Variants in PRPH2 observed in about 807,000 individuals in gnomAD.
The protein encoded by PRPH2 is peripherin-2.
In PRPH2, 17 loss-of-function variants were observed where a neutral mutation model predicts 31.3. The ratio of observed to expected loss-of-function variants is 0.54; its 90% CI spans 0.37 to 0.81. The LOEUF (loss-of-function observed/expected upper bound fraction) is 0.81. Among genes scored for constraint, PRPH2 ranks in the 40% least tolerant of loss-of-function variants. The pLI is 0.00. For synonymous variants in PRPH2, 165 were observed against 184.4 expected (o/e 0.89, Z 0.85); for missense variants, 430 against 439.7 (o/e 0.98, Z 0.20).
chr6:42,715,004 G>A (rs898870198), intron 1 of PRPH2, among the ~76,000 whole-genome samples: 1 of 152,050 alleles, frequency 6.6e-6, no homozygotes, highest in African/African-American at 2.4e-5. Flanking sequence ...GAGGTCAGGA[G>A]TTCGAGAGCA....
At chr6:42,720,867 A>G (rs892148474) in intron 1 of PRPH2, among the ~76,000 whole-genome samples, 1 of 152,228 alleles carries the variant, frequency 6.6e-6, no homozygotes. Context: ...TGTTGGGAAG[A>G]GCAGCCCGCT....
intron 1 of PRPH2, among the ~76,000 whole-genome samples, 159 bp from the exon 2 acceptor site, chr6:42,704,770 C>T (rs1190940241): frequency 5.9e-5 from 9 of 152,202 alleles, no homozygotes; most frequent in East Asian, 1.9e-4. Context: ...CTGTTCTAGG[C>T]GCTGAAGACA....
intron 1 of PRPH2, among the ~76,000 whole-genome samples, chr6:42,709,007 A>G (rs965484147): frequency 6.6e-6 from 1 of 152,098 alleles, no homozygotes; most frequent in African/African-American, 2.4e-5. Flanking sequence ...GGCCCAGAGG[A>G]GGGCAAGGCC....
intron 1 of PRPH2, among the ~76,000 whole-genome samples, chr6:42,708,027 G>C (rs1225275772): frequency 6.6e-6 from 1 of 152,200 alleles, no homozygotes; most frequent in African/African-American, 2.4e-5. Flanking sequence ...CTTGAAGAGT[G>C]CTGGTATTAA....
intron 2 of PRPH2, among the ~76,000 whole-genome samples, chr6:42,699,170 A>G (rs1376349665): frequency 1.3e-5 from 2 of 151,558 alleles, no homozygotes; most frequent in East Asian, 3.9e-4. Context: ...CTCATGCATC[A>G]GCCTCTTGAA....
At chr6:42,699,286 A>C (rs1377829498) in intron 2 of PRPH2, among the ~76,000 whole-genome samples, 3 of 151,156 alleles carry the variant, frequency 2.0e-5, no homozygotes, top group African/African-American at 7.3e-5. Context: ...CTGGCCTCGA[A>C]CTCCTGGCCT....
chr6:42,719,509 A>G (rs1582778488), intron 1 of PRPH2, among the ~76,000 whole-genome samples: 1 of 149,324 alleles, frequency 6.7e-6, no homozygotes, highest in East Asian at 2.0e-4. Context: ...AAACATGATC[A>G]TTGTGGATAT....
rs116375950 is a variant in PRPH2 at position 42,716,793 on chromosome 6, T to C, written c.581+4961A>G. On this transcript the variant is annotated intron_variant, in intron 1 of 2. Transcript: ENST00000230381. The stretch of plus-strand genomic sequence containing the variant: ...GTGCCACTACACCTGGTTAATTTTG[T>C]ATTTTCAGTAGAGACAGAGTTTCAC... Among the ~76,000 whole-genome samples, 994 of 151,022 alleles carry C rather than the reference T, an allele frequency of 6.6e-3. 7 individuals carry two copies. Among genetic ancestry groups the C allele is most frequent in the African/African-American group, 0.023 (965 of 41,230 alleles).
chr6:42,704,399 A>G lies in PRPH2; in HGVS notation c.794T>C (p.Met265Thr), dbSNP rs1582764600. 2 of 1,610,050 alleles carry G rather than the reference A, an allele frequency of 1.2e-6. No homozygotes were observed. The highest frequency in any genetic ancestry group is 1.7e-6 in the Non-Finnish European group (2 of 1,178,284). ...LSYYSSLMNSMGVVTLLIWLF... is the reference protein window; with the variant it reads ...LSYYSSLMNSTGVVTLLIWLF... ...CCAAATGAGGAGCGTGACGACACCC[A>G]TGGAGTTCATGAGGCTGCTGTAGTA... The change falls in exon 2 of 3, where the codon ATG becomes ACG. Residue 265 changes from methionine (M) to threonine (T), a missense_variant. Physicochemically the swap from Met to Thr is moderately conservative, Grantham distance 81. Coordinates refer to ENST00000230381, the MANE Select transcript of PRPH2 (RefSeq NM_000322.5).
At chr6:42,705,498 G>T (rs1242414555) in intron 1 of PRPH2, among the ~76,000 whole-genome samples, 1 of 145,468 alleles carries the variant, frequency 6.9e-6, no homozygotes, top group Non-Finnish European at 1.5e-5. Context: ...CGAGGCGGGA[G>T]CCCAGGAGTT....
intron 1 of PRPH2, among the ~76,000 whole-genome samples, chr6:42,710,438 C>T (rs1387020171): frequency 1.3e-5 from 2 of 152,214 alleles, no homozygotes; most frequent in African/African-American, 2.4e-5. Flanking sequence ...TGGGGTCTCT[C>T]ACTTCTGGAG....
intron 1 of PRPH2, among the ~76,000 whole-genome samples, chr6:42,705,582 AAAAAAAAAAAAAAAAAAATATATATAT>A (rs1274130621): frequency 0.17 from 3,380 of 20,152 alleles, 251 homozygotes; most frequent in African/African-American, 0.27. Context: ...TCTAAAAAAA[AAAAAAAAAAAAAAAAAAATATATATAT>A]ATATATATAT....
intron 1 of PRPH2, among the ~76,000 whole-genome samples, chr6:42,718,275 T>C (rs75508940): frequency 0.023 from 3,364 of 147,064 alleles, 58 homozygotes; most frequent in Non-Finnish European, 0.033. Context: ...AGTGAGACCA[T>C]CTCAAGAGAG....
chr6:42,718,652 AT>A (rs557579762), intron 1 of PRPH2, among the ~76,000 whole-genome samples: 69 of 149,214 alleles, frequency 4.6e-4, no homozygotes, highest in South Asian at 8.5e-4. Context: ...TAATTCATAT[AT>A]TTTTTTTTTT....
intron 1 of PRPH2, among the ~76,000 whole-genome samples, chr6:42,705,092 A>AGAGGCAGGGGATGGAGACCC (rs1264881561): frequency 3.9e-5 from 6 of 152,166 alleles, no homozygotes; most frequent in Non-Finnish European, 8.8e-5. Context: ...GGGCCTGTGC[A>AGAGGCAGGGGATGGAGACCC]GAGGCAGGGG....
chr6:42,716,998 A>G (rs1761800597), intron 1 of PRPH2, among the ~76,000 whole-genome samples: 1 of 104,360 alleles, frequency 9.6e-6, no homozygotes, highest in Admixed American at 1.3e-4. Flanking sequence ...GTAGAGGTGA[A>G]GTCTCATTGT....
chr6:42,713,147 C>A (rs1397505706), intron 1 of PRPH2, among the ~76,000 whole-genome samples: 2 of 151,858 alleles, frequency 1.3e-5, no homozygotes. Context: ...ATTGCTTGAA[C>A]CCTGGAGACA....
rs56020990 is a variant in PRPH2 at position 42,698,020 on chromosome 6, G to A, written c.*275C>T. On this transcript the variant is annotated 3_prime_UTR_variant, in exon 3 of 3. Transcript: ENST00000230381. The stretch of plus-strand genomic sequence containing the variant: ...GGGCTAGTCGTCTGAGACAGCCCCC[G>A]AGTCACCAGGAGGGCATATCCTAGG... 8.3e-6 allele frequency: 4 copies of A among 479,294 alleles called. No individual in the cohort carries two copies. Among genetic ancestry groups the A allele is most frequent in the Admixed American group, 6.7e-5 (2 of 29,766 alleles). The allele number at this position is 479,294 out of a possible 1,614,324, so 29.7% of individuals were successfully genotyped here. A position where few individuals can be genotyped will look rare whatever the true frequency, so the allele number is the denominator to read the frequency against.
chr6:42,720,397 C>A (rs1272895561), intron 1 of PRPH2, among the ~76,000 whole-genome samples: 3 of 152,090 alleles, frequency 2.0e-5, no homozygotes, highest in African/African-American at 7.2e-5. Flanking sequence ...GTCCCCCTGG[C>A]TTCATGCCCT....
Sources: gnomAD v4.1 joint callset for allele counts (sites outside exome capture counted in the v4.1 genomes callset) on GRCh38, gnomAD v4.1.1 for gene constraint, MANE v1.5 for transcripts, NCBI Gene and HGNC (gene_info 2026-07-23, HGNC 2026-07-21) for gene names.